DMXL1: variants seen among roughly 807,000 people sequenced by gnomAD.
The protein encoded by DMXL1 is Dmx like 1, also known as dmX-like protein 1.
DMXL1 carries 99 observed loss-of-function variants against 319.2 expected under a neutral mutation model. That is an observed-to-expected ratio of 0.31 (90% CI 0.26 to 0.37). The LOEUF is 0.37. Ranked by LOEUF, DMXL1 falls within the 10% of genes least tolerant of loss-of-function variation. The pLI is 1.00. For synonymous variants in DMXL1, 1,385 were observed against 1,235.2 expected (o/e 1.12, Z -2.54); for missense variants, 3,745 against 3,595.6 (o/e 1.04, Z -1.06).
At position 119,172,080 on chromosome 5, in the gene DMXL1, A is replaced by G. The variant is rs1774685998; in HGVS notation, c.6681+111A>G. 7 of 949,500 alleles carry G rather than the reference A, an allele frequency of 7.4e-6. No individual in the cohort carries two copies. The South Asian group carries it at 8.5e-5, about 12-fold the overall frequency. 58.8% of individuals were successfully genotyped at this position (949,500 alleles called of 1,614,324 possible). A position where few individuals can be genotyped will look rare whatever the true frequency, so the allele number is the denominator to read the frequency against. On this transcript the variant is annotated intron_variant, in intron 25 of 43. Coordinates refer to ENST00000539542, the MANE Select transcript of DMXL1 (RefSeq NM_001290321.3). ...TTTAAACATCAGACTAAGCATAGCA[A>G]TTGTTACATTGCCAAGTTTATGTTG...
chr5:119,140,168 C>G (rs1034671149), intron 13 of DMXL1, among the ~76,000 whole-genome samples: 2 of 152,016 alleles, frequency 1.3e-5, no homozygotes, highest in African/African-American at 4.8e-5. Context: ...ATCAAAAAGT[C>G]AGAAAGATCT....
In DMXL1 at chr5:119,249,054, A is replaced by G. The variant is rs1222894873; in HGVS notation, c.*1835A>G. Reference sequence around the variant, plus strand: ...TAATTGAGCATTTATATGGATAATCATACATTATGTAAGCCCATATGTATT... The same window carrying G: ...TAATTGAGCATTTATATGGATAATCGTACATTATGTAAGCCCATATGTATT... On this transcript the variant is annotated 3_prime_UTR_variant, in exon 44 of 44. Coordinates refer to ENST00000539542, the MANE Select transcript of DMXL1 (RefSeq NM_001290321.3). 6.6e-6 allele frequency: 1 copy of G among 152,586 alleles called. No individual in the cohort carries two copies. Among genetic ancestry groups the G allele is most frequent in the Non-Finnish European group, 1.5e-5 (1 of 67,960 alleles). The allele number at this position is 152,586 out of a possible 1,614,324, so 9.5% of individuals were successfully genotyped here. A position where few individuals can be genotyped will look rare whatever the true frequency, so the allele number is the denominator to read the frequency against.
rs1392641156 is a variant in DMXL1, at chr5:119,122,502, C to G, written c.1102+1363C>G. ...CCAGGCGGAGATGCTCCTCACTTCC[C>G]AGACGGGGTGGCTGCCGGGCGGAGA... On this transcript the variant is annotated intron_variant, in intron 9 of 43. Transcript: ENST00000539542. Among the ~76,000 whole-genome samples, 2 of 151,798 alleles carry G rather than the reference C, an allele frequency of 1.3e-5. 1 individual carries two copies. The highest frequency in any genetic ancestry group is 2.9e-5 in the Non-Finnish European group (2 of 67,840).
Position 119,153,678 on chromosome 5 carries a change from T to C in DMXL1, c.4702+1642T>C, listed in dbSNP as rs534539169. Among the ~76,000 whole-genome samples, 7 of 152,362 alleles carry C rather than the reference T, an allele frequency of 4.6e-5. 1 individual carries two copies. In the South Asian group the frequency reaches 1.5e-3, roughly 32 times the overall value. ...TAAGTGAGATCATGCAATATTTGTC[T>C]ATGACTGGCTTATTTCACTTACTGT... On this transcript the variant is annotated intron_variant, in intron 19 of 43. Transcript: ENST00000539542.
rs765640832 is a variant in DMXL1, at chr5:119,144,671, C to T, written c.2569+33C>T. On this transcript the variant is annotated intron_variant, in intron 15 of 43. Coordinates refer to ENST00000539542, the MANE Select transcript of DMXL1 (RefSeq NM_001290321.3). ...AGAATTATTTATGGAATGAGAAATACTATGTACAGTATGTTAGGCAGTTAA... is the reference window on the plus strand; with the variant it reads ...AGAATTATTTATGGAATGAGAAATATTATGTACAGTATGTTAGGCAGTTAA... 1.5e-5 allele frequency: 21 copies of T among 1,357,788 alleles called. No individual in the cohort carries two copies. In the Admixed American group the frequency reaches 3.2e-4, roughly 21 times the overall value. 84.1% of individuals were successfully genotyped at this position (1,357,788 alleles called of 1,614,324 possible). A position where few individuals can be genotyped will look rare whatever the true frequency, so the allele number is the denominator to read the frequency against.
chr5:119,202,891 A>ATATATATATATTTATATATT (rs1453478945), intron 32 of DMXL1, among the ~76,000 whole-genome samples: 26 of 139,916 alleles, frequency 1.9e-4, no homozygotes, highest in African/African-American at 7.2e-4. Context: ...ATTTTTATAT[A>ATATATATATATTTATATATT]TATATATATA....
chr5:119,165,464 C>T (rs962558085), intron 21 of DMXL1, among the ~76,000 whole-genome samples, 184 bp downstream of exon 21: 26 of 152,080 alleles, frequency 1.7e-4, no homozygotes, highest in African/African-American at 5.1e-4. Context: ...GTGGAAGAAA[C>T]CTGATGAGGT....
intron 7 of DMXL1, among the ~76,000 whole-genome samples, chr5:119,117,709 A>T (rs1761147511): frequency 6.6e-6 from 1 of 152,064 alleles, no homozygotes; most frequent in Non-Finnish European, 1.5e-5. Flanking sequence ...AAGGAAGTAG[A>T]CAGAAAGAGG....
chr5:119,071,693 G>GC, intron 1 of DMXL1, 37 bp downstream of exon 1: 3 of 1,542,920 alleles, frequency 1.9e-6, no homozygotes, highest in Non-Finnish European at 2.6e-6. Context: ...CCGTGGCCCG[G>GC]CCTTTGCCCG....
chr5:119,126,026 C>T (rs1763478113), intron 9 of DMXL1, among the ~76,000 whole-genome samples: 2 of 152,064 alleles, frequency 1.3e-5, no homozygotes, highest in African/African-American at 4.8e-5. Flanking sequence ...TTCGATGGCT[C>T]ACATCTCTAA....
At chr5:119,116,977 ATTAC>A (rs1353833068) in intron 7 of DMXL1, among the ~76,000 whole-genome samples, 2 of 151,976 alleles carry the variant, frequency 1.3e-5, no homozygotes, top group African/African-American at 4.8e-5. Flanking sequence ...ATAGAGACCT[ATTAC>A]TTAAATACAG....
chr5:119,135,379 G>A (rs980119692), intron 13 of DMXL1, among the ~76,000 whole-genome samples: 7 of 152,130 alleles, frequency 4.6e-5, no homozygotes, highest in African/African-American at 1.7e-4. Context: ...TTGCTGGTCA[G>A]GGAAAATTTC....
intron 29 of DMXL1, 61 bp downstream of exon 29, chr5:119,189,947 A>T: frequency 6.7e-7 from 1 of 1,489,212 alleles, no homozygotes. Flanking sequence ...GAATATCAGA[A>T]ATAAGTGTCA....
At chr5:119,117,360 T>A (rs981099996) in intron 7 of DMXL1, among the ~76,000 whole-genome samples, 7 of 152,154 alleles carry the variant, frequency 4.6e-5, no homozygotes, top group African/African-American at 1.4e-4. Flanking sequence ...TTTTGTACTA[T>A]ATGGCCATTT....
intron 17 of DMXL1, among the ~76,000 whole-genome samples, chr5:119,148,395 C>T (rs1769046130): frequency 6.6e-6 from 1 of 152,126 alleles, no homozygotes; most frequent in African/African-American, 2.4e-5. Flanking sequence ...TTAAATTCTG[C>T]CTATGCCTAA....
At chr5:119,178,706 G>A in intron 28 of DMXL1, 1 of 954,550 alleles carries the variant, frequency 1.0e-6, no homozygotes, top group Non-Finnish European at 1.2e-6. Context: ...ATGAGCTTTA[G>A]AAATAGGCTT....
At chr5:119,183,276 T>C (rs544632781) in intron 28 of DMXL1, among the ~76,000 whole-genome samples, 91 of 152,326 alleles carry the variant, frequency 6.0e-4, no homozygotes, top group African/African-American at 2.1e-3. Context: ...ATGTCATTGC[T>C]AACATTCCTT....
At chr5:119,182,300 A>T (rs751781153) in intron 28 of DMXL1, among the ~76,000 whole-genome samples, 9 of 152,226 alleles carry the variant, frequency 5.9e-5, no homozygotes, top group Non-Finnish European at 1.2e-4. Flanking sequence ...AGAATATTTC[A>T]TTTTCCTGAC....
At chr5:119,104,442 A>G (rs1474882785) in intron 3 of DMXL1, among the ~76,000 whole-genome samples, 3 of 152,176 alleles carry the variant, frequency 2.0e-5, no homozygotes, top group Non-Finnish European at 4.4e-5. Flanking sequence ...GGAAATTTGA[A>G]TTTTTAGTAA....
Sources: allele counts gnomAD v4.1 joint callset (sites outside exome capture counted in the v4.1 genomes callset), GRCh38; gene constraint gnomAD v4.1.1; transcripts MANE v1.5; gene names NCBI Gene and HGNC (gene_info 2026-07-23, HGNC 2026-07-21).